Variants in LRRC7 observed in about 807,000 individuals in gnomAD.
LRRC7 encodes leucine rich repeat containing 7, also known as leucine-rich repeat-containing protein 7.
Under a neutral mutation model 175.7 loss-of-function variants are expected in LRRC7, and 23 were observed. The observed-to-expected ratio is 0.13, with a 90% CI of 0.09 to 0.19. The LOEUF is 0.19. LRRC7 is among the 10% of genes least tolerant of loss of function. The pLI is 1.00. For missense variants in LRRC7, 1,354 were observed against 1,904.7 expected (o/e 0.71, Z 5.38); for synonymous variants, 685 against 680.9 (o/e 1.01, Z -0.09).
chr1:69,974,634 AATC>A (rs1242461351), intron 8 of LRRC7, among the ~76,000 whole-genome samples: 2 of 152,200 alleles, frequency 1.3e-5, no homozygotes, highest in African/African-American at 4.8e-5. Context: ...TCCACTTTAA[AATC>A]ATCTATTGAT....
intron 4 of LRRC7, among the ~76,000 whole-genome samples, chr1:69,802,047 A>G (rs986062515): frequency 6.7e-6 from 1 of 150,372 alleles, no homozygotes; most frequent in Non-Finnish European, 1.5e-5. Flanking sequence ...CTTGGTATTG[A>G]TTTCTAGTTT....
intron 9 of LRRC7, among the ~76,000 whole-genome samples, chr1:69,982,027 T>G (rs1285205835): frequency 6.6e-6 from 1 of 152,162 alleles, no homozygotes; most frequent in East Asian, 1.9e-4. Flanking sequence ...ACTGTAAAGC[T>G]CCCAAAGGCT....
intron 22 of LRRC7, among the ~76,000 whole-genome samples, chr1:70,047,373 C>G (rs1449519633): frequency 6.6e-6 from 1 of 152,074 alleles, no homozygotes; most frequent in Non-Finnish European, 1.5e-5. Flanking sequence ...TTGTAGTATC[C>G]ATTTGTGCAG....
rs1316089069 is a variant in LRRC7, at chr1:69,624,491, G to A, written c.3-53890G>A. Among the ~76,000 whole-genome samples the A allele has an allele frequency of 3.3e-5, 5 of 151,758 alleles. 1 individual carries two copies. Among genetic ancestry groups the A allele is most frequent in the South Asian group, 4.2e-4 (2 of 4,774 alleles). On this transcript the variant is annotated intron_variant, in intron 1 of 26. Coordinates refer to ENST00000651989, the MANE Select transcript of LRRC7 (RefSeq NM_001370785.2). ...TTGTTTTTTCCACTTATCATTCAAC[G>A]AGCAGAAGGGTTAAATTTTTTTAAT...
At chr1:69,916,204 A>ATATATATTATATACATATTTTATATATAT (rs1318439229) in intron 7 of LRRC7, among the ~76,000 whole-genome samples, 1 of 19,072 alleles carries the variant, frequency 5.2e-5, no homozygotes, top group Non-Finnish European at 1.6e-4. Context: ...TTATATATAA[A>ATATATATTATATACATATTTTATATATAT]AATAAAATTT....
At chr1:69,900,906 C>T (rs1049296151) in intron 7 of LRRC7, among the ~76,000 whole-genome samples, 5 of 152,016 alleles carry the variant, frequency 3.3e-5, no homozygotes, top group Admixed American at 6.6e-5. Context: ...ATGAGAGAAC[C>T]GAATTCATTT....
chr1:69,710,562 G>T (rs1740909), intron 2 of LRRC7, among the ~76,000 whole-genome samples: 102,124 of 152,046 alleles, frequency 0.67, 34,946 homozygotes, highest in African/African-American at 0.8. Flanking sequence ...CTTACTGGGC[G>T]TAAGGCAAAA....
chr1:69,855,467 T>G (rs908942089), intron 7 of LRRC7, among the ~76,000 whole-genome samples: 11 of 152,190 alleles, frequency 7.2e-5, no homozygotes, highest in African/African-American at 2.2e-4. Context: ...GAGTTCTAAT[T>G]TGATTGCACT....
chr1:70,077,654 T>C (rs2102134320), intron 24 of LRRC7, among the ~76,000 whole-genome samples: 2 of 152,256 alleles, frequency 1.3e-5, no homozygotes, highest in East Asian at 1.9e-4. Flanking sequence ...GTAGGTTTAG[T>C]GTTAGCATGC....
intron 7 of LRRC7, among the ~76,000 whole-genome samples, chr1:69,859,186 G>A (rs557603200): frequency 2.6e-5 from 4 of 152,060 alleles, no homozygotes; most frequent in Admixed American, 6.6e-5. Flanking sequence ...AATGTTGCAC[G>A]TTTTCACTGA....
chr1:69,602,175 T>A (rs151239850), intron 1 of LRRC7, among the ~76,000 whole-genome samples: 52 of 152,346 alleles, frequency 3.4e-4, no homozygotes, highest in African/African-American at 1.1e-3. Flanking sequence ...TGCTCTGTCT[T>A]CTGTCATTCA....
intron 2 of LRRC7, among the ~76,000 whole-genome samples, chr1:69,694,742 C>G (rs559401717): frequency 3.3e-5 from 5 of 151,748 alleles, no homozygotes; most frequent in Non-Finnish European, 5.9e-5. Context: ...ACCCCTACCC[C>G]CCCCCACTTC....
chr1:69,620,324 T>A (rs1270704486), intron 1 of LRRC7, among the ~76,000 whole-genome samples: 1 of 152,182 alleles, frequency 6.6e-6, no homozygotes, highest in African/African-American at 2.4e-5. Flanking sequence ...ATAATCCACA[T>A]TTTTTAAAAC....
At chr1:70,105,339 GTTTGT>G (rs1349983461) in intron 25 of LRRC7, among the ~76,000 whole-genome samples, 6 of 151,984 alleles carry the variant, frequency 3.9e-5, no homozygotes, top group African/African-American at 1.2e-4. Flanking sequence ...AATTTTTTAA[GTTTGT>G]TTTATTTTCT....
intron 7 of LRRC7, among the ~76,000 whole-genome samples, chr1:69,879,419 C>T (rs561122411): frequency 7.9e-5 from 12 of 152,194 alleles, no homozygotes; most frequent in African/African-American, 2.2e-4. Flanking sequence ...GCAGCAAAGA[C>T]GGTTTCTGAG....
In LRRC7 at chr1:69,887,973, G is replaced by A. The variant is rs570541428; in HGVS notation, c.648-43534G>A. The stretch of plus-strand genomic sequence containing the variant: ...ACCCACTTGAGGAGGCAGTCTGCCC[G>A]TTCTCAGATCTCCAGCTGCGTGTTG... On this transcript the variant is annotated intron_variant, in intron 7 of 26. Transcript: ENST00000651989. Among the ~76,000 whole-genome samples, 33 of 136,182 alleles carry A rather than the reference G, an allele frequency of 2.4e-4. 2 individuals are homozygous for A. In the South Asian group the frequency reaches 2.9e-3, roughly 12 times the overall value. The allele number at this position is 136,182 out of a possible 152,430, so 89.3% of individuals were successfully genotyped here.
At chr1:69,723,698 C>T (rs1039530346) in intron 2 of LRRC7, among the ~76,000 whole-genome samples, 1 of 152,074 alleles carries the variant, frequency 6.6e-6, no homozygotes, top group Non-Finnish European at 1.5e-5. Context: ...AAACAATCAG[C>T]GTTTATTTCT....
chr1:69,887,721 G>A (rs1169703952), intron 7 of LRRC7, among the ~76,000 whole-genome samples: 1 of 150,570 alleles, frequency 6.6e-6, no homozygotes, highest in Non-Finnish European at 1.5e-5. Flanking sequence ...CAGTTTTTCT[G>A]TTCTGTTTTT....
At chr1:69,746,538 A>G (rs1669273768) in intron 2 of LRRC7, among the ~76,000 whole-genome samples, 1 of 152,102 alleles carries the variant, frequency 6.6e-6, no homozygotes, top group African/African-American at 2.4e-5. Context: ...AGATTGATGA[A>G]TCTAATTCCA....
Sources: gnomAD v4.1 joint callset for allele counts (sites outside exome capture counted in the v4.1 genomes callset) on GRCh38, gnomAD v4.1.1 for gene constraint, MANE v1.5 for transcripts, NCBI Gene and HGNC (gene_info 2026-07-23, HGNC 2026-07-21) for gene names.